MAGI2: variants seen among roughly 807,000 people sequenced by gnomAD.
The protein encoded by MAGI2 is membrane associated guanylate kinase, WW and PDZ domain containing 2, also known as membrane-associated guanylate kinase, WW and PDZ domain-containing protein 2.
A neutral mutation model predicts 133.3 loss-of-function variants in MAGI2; 35 were observed. That is an observed-to-expected ratio of 0.26 (90% CI 0.20 to 0.35). The LOEUF is 0.35. MAGI2 is among the 10% of genes least tolerant of loss of function. The pLI, the probability that MAGI2 is intolerant of heterozygous loss-of-function variation, is 1.00. For missense variants in MAGI2, 1,636 were observed against 1,863.4 expected (o/e 0.88, Z 2.25); for synonymous variants, 729 against 710.6 (o/e 1.03, Z -0.41).
intron 1 of MAGI2, among the ~76,000 whole-genome samples, chr7:79,213,610 G>C (rs1219295637): frequency 2.6e-5 from 4 of 152,006 alleles, no homozygotes; most frequent in African/African-American, 9.7e-5. Context: ...TCTCAGTCTA[G>C]AAGTCTCTTA....
chr7:78,521,405 G>T (rs1349169360), intron 4 of MAGI2, 25 bp downstream of exon 4: 1 of 1,563,566 alleles, frequency 6.4e-7, no homozygotes, highest in South Asian at 1.1e-5. Context: ...AATTTATGAA[G>T]CCATAAAAAA....
At chr7:78,121,230 AT>A (rs1432072174) in intron 20 of MAGI2, among the ~76,000 whole-genome samples, 1 of 130,910 alleles carries the variant, frequency 7.6e-6, no homozygotes, top group Non-Finnish European at 1.7e-5. Flanking sequence ...AGCAGAAACT[AT>A]AAAAAAAAAA....
chr7:78,875,697 C>A (rs143471544), intron 2 of MAGI2, among the ~76,000 whole-genome samples: 5 of 152,080 alleles, frequency 3.3e-5, no homozygotes, highest in African/African-American at 1.2e-4. Flanking sequence ...ACTAAATATG[C>A]AAAGAATGAG....
chr7:79,440,610 G>A (rs768437643), intron 1 of MAGI2, among the ~76,000 whole-genome samples: 4 of 151,766 alleles, frequency 2.6e-5, no homozygotes, highest in Admixed American at 2.6e-4. Context: ...GGTAAAGAAA[G>A]TCTTTACCAA....
chr7:78,756,629 T>G (rs1823975263), intron 2 of MAGI2, among the ~76,000 whole-genome samples: 1 of 152,122 alleles, frequency 6.6e-6, no homozygotes. Context: ...CTAAGAGTAT[T>G]GTGGAAGAAT....
intron 2 of MAGI2, among the ~76,000 whole-genome samples, chr7:78,723,052 T>C (rs959033578): frequency 6.6e-6 from 1 of 152,102 alleles, no homozygotes; most frequent in African/African-American, 2.4e-5. Context: ...GGTTAGTAAA[T>C]CCCAGGCCAC....
intron 21 of MAGI2, among the ~76,000 whole-genome samples, chr7:78,030,525 G>T (rs1051276210): frequency 2.6e-5 from 4 of 152,170 alleles, no homozygotes; most frequent in Admixed American, 2.0e-4. Flanking sequence ...AAAATGCTGG[G>T]ATTACAGGCA....
chr7:78,549,222 G>C (rs886078759), intron 3 of MAGI2, among the ~76,000 whole-genome samples: 1 of 152,060 alleles, frequency 6.6e-6, no homozygotes, highest in East Asian at 1.9e-4. Context: ...TTATGGATAG[G>C]AGCTGGCCTG....
intron 16 of MAGI2, chr7:78,158,116 A>T (rs1428519781): frequency 6.6e-6 from 1 of 152,080 alleles, no homozygotes; most frequent in Non-Finnish European, 1.5e-5. Context: ...TTTCTTGAGT[A>T]TTGCTTAATA....
chr7:78,279,456 T>A (rs1316691815), intron 9 of MAGI2, among the ~76,000 whole-genome samples: 2 of 152,178 alleles, frequency 1.3e-5, no homozygotes, highest in African/African-American at 4.8e-5. Flanking sequence ...GACACAATTA[T>A]TTAGTCAGGA....
chr7:78,917,010 A>G (rs1278325725), intron 2 of MAGI2, among the ~76,000 whole-genome samples: 8 of 152,124 alleles, frequency 5.3e-5, no homozygotes, highest in Non-Finnish European at 1.5e-5. Context: ...AGAAGGAGGT[A>G]AAGAGAGATA....
intron 3 of MAGI2, among the ~76,000 whole-genome samples, chr7:78,522,030 G>C (rs71573392): frequency 6.6e-6 from 1 of 151,976 alleles, no homozygotes; most frequent in Non-Finnish European, 1.5e-5. Flanking sequence ...TAATTTTTTT[G>C]TAGTGGGGTA....
intron 1 of MAGI2, among the ~76,000 whole-genome samples, chr7:79,190,615 C>T (rs575954332): frequency 6.6e-6 from 1 of 151,722 alleles, no homozygotes; most frequent in Non-Finnish European, 1.5e-5. Context: ...AGTATTAATA[C>T]TTTCTCATAC....
At position 78,386,273 on chromosome 7, in the gene MAGI2, C is replaced by CA. The variant is rs949347636; in HGVS notation, c.1046-17061dup. On this transcript the variant is annotated intron_variant, in intron 6 of 21. Transcript: ENST00000354212. ...TATATATTCTCTCTATATAATAATG[C>CA]AAAAAAAGTAGAGGATTTGGAATTA... Among the ~76,000 whole-genome samples the CA allele has an allele frequency of 4.9e-4, 74 of 151,830 alleles. 1 individual carries two copies. Among genetic ancestry groups the CA allele is most frequent in the South Asian group, 6.2e-4 (3 of 4,808 alleles).
In MAGI2 at chr7:78,324,962, G is replaced by A. The variant is rs114896885; in HGVS notation, c.1408+18816C>T. 5.4e-3 allele frequency among the ~76,000 whole-genome samples: 826 copies of A among 152,138 alleles called. 12 individuals carry two copies. Among genetic ancestry groups the A allele is most frequent in the African/African-American group, 0.019 (787 of 41,508 alleles). The stretch of plus-strand genomic sequence containing the variant: ...GCCTGGGCGACAAGAGCAAAACTCC[G>A]TCTCAAAGAAAATAAATAAATACAA... On this transcript the variant is annotated intron_variant, in intron 9 of 21. Transcript: ENST00000354212.
At chr7:78,918,556 T>C (rs182591552) in intron 2 of MAGI2, among the ~76,000 whole-genome samples, 102 of 152,292 alleles carry the variant, frequency 6.7e-4, no homozygotes, top group African/African-American at 2.2e-3. Context: ...AATCCAGCTC[T>C]AGCTTACAGA....
intron 1 of MAGI2, among the ~76,000 whole-genome samples, chr7:79,219,106 G>T (rs942931794): frequency 1.3e-5 from 2 of 151,990 alleles, no homozygotes; most frequent in African/African-American, 4.8e-5. Context: ...AACAAATGGT[G>T]TATTAGATGA....
chr7:78,123,931 T>C (rs916952394), intron 20 of MAGI2, among the ~76,000 whole-genome samples: 7 of 152,182 alleles, frequency 4.6e-5, no homozygotes, highest in Non-Finnish European at 7.3e-5. Flanking sequence ...CTGAGAACCA[T>C]TGCTCTGGCT....
chr7:79,438,730 C>T (rs974946987), intron 1 of MAGI2, among the ~76,000 whole-genome samples: 1 of 152,072 alleles, frequency 6.6e-6, no homozygotes, highest in African/African-American at 2.4e-5. Flanking sequence ...GTTTCAAGCT[C>T]ACCTCCTCCC....
Sources: gnomAD v4.1 joint callset for allele counts (sites outside exome capture counted in the v4.1 genomes callset) on GRCh38, gnomAD v4.1.1 for gene constraint, MANE v1.5 for transcripts, NCBI Gene and HGNC (gene_info 2026-07-23, HGNC 2026-07-21) for gene names.